The following HMGCS1 variants were observed in gnomAD, a reference collection of about 807,000 sequenced individuals.
HMGCS1 encodes 3-hydroxy-3-methylglutaryl-CoA synthase 1, also known as hydroxymethylglutaryl-CoA synthase, cytoplasmic.
HMGCS1 carries 9 observed loss-of-function variants against 52.3 expected under a neutral mutation model. The ratio of observed to expected loss-of-function variants is 0.17; its 90% CI spans 0.10 to 0.30. The LOEUF is 0.30. Among genes scored for constraint, HMGCS1 ranks in the 10% least tolerant of loss-of-function variants. The pLI, the probability that HMGCS1 is intolerant of heterozygous loss-of-function variation, is 1.00. For synonymous variants in HMGCS1, 176 were observed against 214.4 expected, an observed-to-expected ratio of 0.82 and a Z score of 1.57; for missense variants, 320 against 620.9, an observed-to-expected ratio of 0.52 and a Z score of 5.15.
In HMGCS1 at chr5:43,289,433, C is replaced by T. The variant is rs763901296; in HGVS notation, c.*1698G>A. The T allele has an allele frequency of 9.8e-5, 15 of 152,610 alleles. No homozygotes were observed. Among genetic ancestry groups the T allele is most frequent in the Non-Finnish European group, 1.9e-4 (13 of 68,024 alleles). The allele number at this position is 152,610 out of a possible 1,614,324, so 9.5% of individuals were successfully genotyped here. ...TAAAACTTTATTTCAAAGTTATTCA[C>T]CTCACCGTTAATAAGGTGTATGATT... On this transcript the variant is annotated 3_prime_UTR_variant, in exon 11 of 11. Transcript: ENST00000325110.
In HMGCS1 at chr5:43,294,731, T is replaced by C; in HGVS notation, c.1036A>G (p.Thr346Ala). The change falls in exon 7 of 11, where the codon ACA becomes GCA. Residue 346 changes from threonine (T) to alanine (A), a missense_variant. Physicochemically the swap from Thr to Ala is moderately conservative, Grantham distance 58. Transcript: ENST00000325110. ...GCAAGGGAACCATATACTGAAGATG[T>C]GTACATATTTCCATTTTGATTTGAT... ...LVSNQNGNMY[T>A]SSVYGSLASV... 1 of 1,612,404 alleles carries C rather than the reference T, an allele frequency of 6.2e-7. No individual in the cohort carries two copies. Among genetic ancestry groups the C allele is most frequent in the Non-Finnish European group, 8.5e-7 (1 of 1,178,806 alleles).
Position 43,290,899 on chromosome 5 carries a change from C to A in HMGCS1, c.*232G>T. The A allele has an allele frequency of 2.2e-6, 1 of 463,986 alleles. No individual in the cohort carries two copies. The highest frequency in any genetic ancestry group is 3.9e-6 in the Non-Finnish European group (1 of 257,324). 28.7% of individuals were successfully genotyped at this position (463,986 alleles called of 1,614,324 possible). A position where few individuals can be genotyped will look rare whatever the true frequency, so the allele number is the denominator to read the frequency against. ...TGAAGTTTTACAGAGCCCTTAACAT[C>A]ATTCGAGTACATTTGGCATTGGCCA... On this transcript the variant is annotated 3_prime_UTR_variant, in exon 11 of 11. Transcript: ENST00000325110.
chr5:43,297,344 T>C (rs1023054857), intron 4 of HMGCS1, among the ~76,000 whole-genome samples, 178 bp from the exon 5 acceptor site: 6 of 152,216 alleles, frequency 3.9e-5, no homozygotes, highest in Non-Finnish European at 8.8e-5. Context: ...ACAGTATCCA[T>C]GGACAGTCCT....
At chr5:43,291,464 G>A (rs189256489) in intron 10 of HMGCS1, among the ~76,000 whole-genome samples, 14 of 152,104 alleles carry the variant, frequency 9.2e-5, no homozygotes, top group Admixed American at 1.3e-4. Flanking sequence ...GACCCACCAC[G>A]TAACAGTATT....
At position 43,297,819 on chromosome 5, in the gene HMGCS1, C is replaced by T. The variant is rs552345527; in HGVS notation, c.574+190G>A. On this transcript the variant is annotated intron_variant, in intron 4 of 10. Transcript: ENST00000325110. The stretch of plus-strand genomic sequence containing the variant: ...TGCCATTGCACTCCAGCTTGGGCAA[C>T]AAGAGTGAAACTCGGTCTCAAAAAA... Among the ~76,000 whole-genome samples, 20 of 110,954 alleles carry T rather than the reference C, an allele frequency of 1.8e-4. No homozygotes were observed. In the South Asian group the frequency reaches 5.6e-3, roughly 31 times the overall value. The allele number at this position is 110,954 out of a possible 152,430, so 72.8% of individuals were successfully genotyped here. A position where few individuals can be genotyped will look rare whatever the true frequency, so the allele number is the denominator to read the frequency against.
chr5:43,312,648 A>T (rs1160492614), intron 1 of HMGCS1, among the ~76,000 whole-genome samples: 1 of 152,136 alleles, frequency 6.6e-6, no homozygotes, highest in Non-Finnish European at 1.5e-5. Flanking sequence ...TAGGAGAGAG[A>T]TGTGGGATTT....
chr5:43,287,767 A>G lies in HMGCS1; in HGVS notation c.*3364T>C, dbSNP rs551023515. On this transcript the variant is annotated 3_prime_UTR_variant, in exon 11 of 11. Transcript: ENST00000325110. Reference sequence around the variant, plus strand: ...GGAGTACCAAACAAGTTCTGCAGACATTCCACGTCAGGGAGGCTGAAGTGA... The same window carrying G: ...GGAGTACCAAACAAGTTCTGCAGACGTTCCACGTCAGGGAGGCTGAAGTGA... 7 of 152,380 alleles carry G rather than the reference A, an allele frequency of 4.6e-5. No individual in the cohort carries two copies. Among genetic ancestry groups the G allele is most frequent in the African/African-American group, 1.7e-4 (7 of 41,576 alleles). 9.4% of individuals were successfully genotyped at this position (152,380 alleles called of 1,614,324 possible).
At chr5:43,310,800 A>G (rs1348084738) in intron 1 of HMGCS1, among the ~76,000 whole-genome samples, 1 of 152,202 alleles carries the variant, frequency 6.6e-6, no homozygotes, top group Non-Finnish European at 1.5e-5. Context: ...GTAGGTTTCA[A>G]TTGTTCCCAG....
chr5:43,309,554 T>G (rs945422238), intron 1 of HMGCS1, among the ~76,000 whole-genome samples: 2 of 152,152 alleles, frequency 1.3e-5, no homozygotes, highest in African/African-American at 4.8e-5. Context: ...CTTTCTATTT[T>G]GATTACTTAA....
chr5:43,295,911 T>A lies in HMGCS1; in HGVS notation c.746A>T (p.Asn249Ile). 6.2e-7 allele frequency: 1 copy of A among 1,610,104 alleles called. No individual in the cohort carries two copies. The highest frequency in any genetic ancestry group is 8.5e-7 in the Non-Finnish European group (1 of 1,177,298). Residue 249 changes from asparagine to isoleucine, a missense_variant, in exon 6 of 11, where the codon AAT becomes ATT. Physicochemically the swap from Asn to Ile is moderately radical, Grantham distance 149. This residue lies in a region of HMGCS1 where 213 missense variants were observed against 337.4 expected (regional missense o/e 0.63). Transcript: ENST00000325110. ...ATCATTCAAGGTAAAATCTTTATCA[T>A]TTCCCTCTGAAAGAGAAGTCCAAGG... is the stretch of plus-strand genomic sequence containing the variant. ...KIHAQWQKEG[N>I]DKDFTLNDFG... is the part of the protein sequence containing the mutation.
chr5:43,304,304 C>T (rs1754458333), intron 2 of HMGCS1, among the ~76,000 whole-genome samples: 1 of 152,232 alleles, frequency 6.6e-6, no homozygotes, highest in Non-Finnish European at 1.5e-5. Flanking sequence ...TTTAAATATG[C>T]TGAAGACAGT....
chr5:43,301,577 A>G (rs572393614), intron 2 of HMGCS1, among the ~76,000 whole-genome samples: 2 of 152,252 alleles, frequency 1.3e-5, no homozygotes, highest in African/African-American at 4.8e-5. Context: ...ATACATATAT[A>G]AAGTATACAT....
intron 10 of HMGCS1, 36 bp downstream of exon 10, chr5:43,292,438 A>G: frequency 6.3e-7 from 1 of 1,582,316 alleles, no homozygotes; most frequent in Non-Finnish European, 8.7e-7. Context: ...GGTCTCCTAA[A>G]CCCTAAGATA....
chr5:43,299,878 A>C (rs1754226803), intron 2 of HMGCS1, among the ~76,000 whole-genome samples: 1 of 152,192 alleles, frequency 6.6e-6, no homozygotes. Context: ...AAGAAAAATT[A>C]CTATAGATAT....
chr5:43,295,984 G>A, intron 5 of HMGCS1, 67 bp from the exon 6 acceptor site: 1 of 1,192,784 alleles, frequency 8.4e-7, no homozygotes, highest in Non-Finnish European at 1.2e-6. Flanking sequence ...TTTGACTTTA[G>A]AATAAAGCTA....
chr5:43,304,371 G>A (rs1005394387), intron 2 of HMGCS1, among the ~76,000 whole-genome samples: 3 of 152,214 alleles, frequency 2.0e-5, no homozygotes, highest in Admixed American at 6.5e-5. Context: ...AAAGTGAACA[G>A]GGAATATATC....
chr5:43,312,298 C>T (rs903349192), intron 1 of HMGCS1, among the ~76,000 whole-genome samples: 3 of 152,236 alleles, frequency 2.0e-5, no homozygotes, highest in Non-Finnish European at 4.4e-5. Context: ...CAGAACACAT[C>T]ATCCTACTGC....
intron 1 of HMGCS1, among the ~76,000 whole-genome samples, chr5:43,310,705 T>A (rs1019937086): frequency 1.3e-5 from 2 of 152,202 alleles, no homozygotes; most frequent in African/African-American, 4.8e-5. Flanking sequence ...CAGAGTAGCC[T>A]GCTATCAGTT....
chr5:43,293,967 G>A (rs1027500440), intron 8 of HMGCS1, 89 bp downstream of exon 8: 16 of 822,498 alleles, frequency 1.9e-5, no homozygotes, highest in African/African-American at 1.5e-4. Context: ...TGCCCGCCTC[G>A]GCCTCCCAAA....
Sources: allele counts gnomAD v4.1 joint callset (sites outside exome capture counted in the v4.1 genomes callset), GRCh38; gene constraint gnomAD v4.1.1; regional missense constraint gnomAD v4.1.1; transcripts MANE v1.5; gene names NCBI Gene and HGNC (gene_info 2026-07-23, HGNC 2026-07-21).